Variants in KCNH1 observed in about 807,000 individuals in gnomAD.
KCNH1 encodes the protein potassium voltage-gated channel subfamily H member 1.
Under a neutral mutation model 69.2 loss-of-function variants are expected in KCNH1, and 27 were observed. The observed-to-expected ratio is 0.39, with a 90% CI of 0.29 to 0.54. KCNH1 has a LOEUF of 0.54. Ranked by LOEUF, KCNH1 falls within the 20% of genes least tolerant of loss-of-function variation. The pLI is 0.68. For missense variants in KCNH1, 798 were observed against 1,261.6 expected, an observed-to-expected ratio of 0.63 and a Z score of 5.57; for synonymous variants, 456 against 487.7, an observed-to-expected ratio of 0.93 and a Z score of 0.86.
chr1:210,804,345 G>C (rs567575877), intron 7 of KCNH1, among the ~76,000 whole-genome samples, 179 bp from the exon 8 acceptor site: 1 of 152,188 alleles, frequency 6.6e-6, no homozygotes, highest in Non-Finnish European at 1.5e-5. Flanking sequence ...GGGCATGGAT[G>C]CAAAGAAAGA....
intron 5 of KCNH1, among the ~76,000 whole-genome samples, chr1:211,062,071 C>T (rs987457439): frequency 2.6e-5 from 4 of 152,058 alleles, no homozygotes; most frequent in Non-Finnish European, 5.9e-5. Flanking sequence ...AATTATACTA[C>T]AAAGCTGTAA....
At chr1:210,710,762 C>T (rs1371216935) in intron 10 of KCNH1, among the ~76,000 whole-genome samples, 2 of 143,918 alleles carry the variant, frequency 1.4e-5, no homozygotes, top group South Asian at 2.1e-4. Flanking sequence ...TTACCACACC[C>T]GCTGCTCTGC....
intron 5 of KCNH1, among the ~76,000 whole-genome samples, chr1:211,075,489 A>G (rs1467848102): frequency 6.6e-6 from 1 of 152,236 alleles, no homozygotes; most frequent in African/African-American, 2.4e-5. Flanking sequence ...CCAGCCATCT[A>G]CAGGCAATGG....
At chr1:211,084,545 C>T (rs1690918161) in intron 4 of KCNH1, among the ~76,000 whole-genome samples, 1 of 152,190 alleles carries the variant, frequency 6.6e-6, no homozygotes, top group Non-Finnish European at 1.5e-5. Context: ...CTCAGGATAG[C>T]CCCTCACTCT....
At chr1:210,941,662 A>C (rs1470888318) in intron 6 of KCNH1, among the ~76,000 whole-genome samples, 1 of 152,154 alleles carries the variant, frequency 6.6e-6, no homozygotes, top group Non-Finnish European at 1.5e-5. Flanking sequence ...GAGGAGGCAA[A>C]GGAAGTCAAA....
chr1:211,045,041 G>GATATATAGATATAT (rs1164564038), intron 5 of KCNH1, among the ~76,000 whole-genome samples: 1 of 81,712 alleles, frequency 1.2e-5, no homozygotes, highest in African/African-American at 4.2e-5. Context: ...AATTGTGGGG[G>GATATATAGATATAT]ATATATATAT....
chr1:210,954,614 A>G (rs1035276454), intron 6 of KCNH1, among the ~76,000 whole-genome samples: 3 of 152,100 alleles, frequency 2.0e-5, no homozygotes, highest in African/African-American at 7.2e-5. Context: ...GCATGAGATG[A>G]TATCTCATTG....
At chr1:211,041,220 G>T (rs942059195) in intron 5 of KCNH1, among the ~76,000 whole-genome samples, 13 of 152,110 alleles carry the variant, frequency 8.5e-5, no homozygotes, top group African/African-American at 3.1e-4. Context: ...TGTTGTTAAG[G>T]TTAGTGTTAC....
chr1:211,022,904 G>T, intron 5 of KCNH1, among the ~76,000 whole-genome samples: 1 of 151,996 alleles, frequency 6.6e-6, no homozygotes, highest in East Asian at 1.9e-4. Flanking sequence ...CTGAGGTCAG[G>T]AGTTTGAGAC....
intron 10 of KCNH1, among the ~76,000 whole-genome samples, chr1:210,747,318 C>T (rs1241576480): frequency 6.6e-6 from 1 of 151,936 alleles, no homozygotes; most frequent in Non-Finnish European, 1.5e-5. Context: ...CTGGGTTGTG[C>T]AGCTGCTCGG....
intron 6 of KCNH1, among the ~76,000 whole-genome samples, chr1:210,930,868 A>G (rs771793435): frequency 6.6e-6 from 1 of 152,232 alleles, no homozygotes; most frequent in African/African-American, 2.4e-5. Flanking sequence ...AAAGTGGGCT[A>G]AGGACATGAA....
At chr1:210,970,219 A>C (rs1214295774) in intron 6 of KCNH1, among the ~76,000 whole-genome samples, 1 of 151,770 alleles carries the variant, frequency 6.6e-6, no homozygotes, top group African/African-American at 2.4e-5. Context: ...CCTAGGTTTT[A>C]AGCCTTGCAC....
intron 7 of KCNH1, among the ~76,000 whole-genome samples, chr1:210,889,846 G>A (rs1233301992): frequency 6.6e-6 from 1 of 152,012 alleles, no homozygotes; most frequent in African/African-American, 2.4e-5. Context: ...GGGATGTGAA[G>A]GACCTCTTCA....
At chr1:210,765,615 G>T (rs1464912927) in intron 10 of KCNH1, among the ~76,000 whole-genome samples, 2 of 152,188 alleles carry the variant, frequency 1.3e-5, no homozygotes, top group African/African-American at 4.8e-5. Flanking sequence ...GGCACCAGGG[G>T]TATCTGCAGA....
intron 7 of KCNH1, among the ~76,000 whole-genome samples, chr1:210,830,703 T>C (rs1189786520): frequency 6.6e-6 from 1 of 152,182 alleles, no homozygotes; most frequent in African/African-American, 2.4e-5. Context: ...CCAACAAAAC[T>C]GAGTCATTCG....
At chr1:210,723,459 T>C (rs1266596801) in intron 10 of KCNH1, among the ~76,000 whole-genome samples, 1 of 151,998 alleles carries the variant, frequency 6.6e-6, no homozygotes, top group Non-Finnish European at 1.5e-5. Context: ...AAAAGGTCCA[T>C]CCTGGCCCCT....
intron 5 of KCNH1, among the ~76,000 whole-genome samples, chr1:211,071,966 G>A (rs1690652700): frequency 6.6e-6 from 1 of 152,144 alleles, no homozygotes; most frequent in African/African-American, 2.4e-5. Context: ...TGGGCCCTGT[G>A]AAATTATCCT....
intron 7 of KCNH1, among the ~76,000 whole-genome samples, chr1:210,867,407 G>T (rs1287768416): frequency 1.3e-5 from 2 of 150,488 alleles, no homozygotes; most frequent in Non-Finnish European, 3.0e-5. Flanking sequence ...TATTAAAGTG[G>T]GGGCAATGTC....
intron 5 of KCNH1, among the ~76,000 whole-genome samples, chr1:211,078,398 C>T (rs1028875923): frequency 6.6e-6 from 1 of 152,152 alleles, no homozygotes; most frequent in Non-Finnish European, 1.5e-5. Context: ...ATGTAAAGAA[C>T]AGAAATCACA....
Sources: gnomAD v4.1 joint callset for allele counts (sites outside exome capture counted in the v4.1 genomes callset) on GRCh38, gnomAD v4.1.1 for gene constraint, MANE v1.5 for transcripts, NCBI Gene and HGNC (gene_info 2026-07-23, HGNC 2026-07-21) for gene names.